TANC2: variants seen among roughly 807,000 people sequenced by gnomAD.
TANC2 encodes the protein tetratricopeptide repeat, ankyrin repeat and coiled-coil containing 2.
A neutral mutation model predicts 210.5 loss-of-function variants in TANC2; 26 were observed. That is an observed-to-expected ratio of 0.12 (90% CI 0.09 to 0.17). The LOEUF is 0.17. TANC2 is among the 10% of genes least tolerant of loss of function. TANC2 has a pLI of 1.00. For synonymous variants in TANC2, 931 were observed against 967.1 expected, an observed-to-expected ratio of 0.96 and a Z score of 0.69; for missense variants, 2,129 against 2,608.9, an observed-to-expected ratio of 0.82 and a Z score of 4.01.
At chr17:63,335,053 C>G (rs2045980012) in intron 11 of TANC2, among the ~76,000 whole-genome samples, 1 of 152,098 alleles carries the variant, frequency 6.6e-6, no homozygotes, top group African/African-American at 2.4e-5. Context: ...GGATCTGCCC[C>G]CATGACCCAA....
intron 11 of TANC2, among the ~76,000 whole-genome samples, chr17:63,323,286 T>A (rs1164721197): frequency 6.6e-6 from 1 of 152,260 alleles, no homozygotes; most frequent in Non-Finnish European, 1.5e-5. Context: ...TCATTGGTAT[T>A]TCATAACATT....
rs540065916 is a variant in TANC2 at position 63,207,506 on chromosome 17, C to T, written c.769+6549C>T. Among the ~76,000 whole-genome samples, 14 of 152,292 alleles carry T rather than the reference C, an allele frequency of 9.2e-5. No homozygotes were observed. The East Asian group carries it at 2.1e-3, about 23-fold the overall frequency. Reference sequence around the variant, plus strand: ...CTGGGATTACAGGCATGAGCCACCACGCTCAGCCACAAATTTCTTTTGTGC... The same window carrying T: ...CTGGGATTACAGGCATGAGCCACCATGCTCAGCCACAAATTTCTTTTGTGC... On this transcript the variant is annotated intron_variant, in intron 7 of 27. Coordinates refer to ENST00000689528, the Ensembl canonical transcript of TANC2.
exon 26 of TANC2, chr17:63,415,555 C>A: frequency 6.2e-7 from 1 of 1,613,902 alleles, no homozygotes; most frequent in East Asian, 2.2e-5. Flanking sequence ...AGCTGCCCAG[C>A]GCTACCAGTA....
intron 6 of TANC2, among the ~76,000 whole-genome samples, chr17:63,197,031 A>C (rs1365229391): frequency 6.6e-6 from 1 of 152,218 alleles, no homozygotes; most frequent in Non-Finnish European, 1.5e-5. Flanking sequence ...GAAAGGATCA[A>C]GTTAAATCAT....
At chr17:63,104,676 T>G (rs2037756451) in intron 4 of TANC2, among the ~76,000 whole-genome samples, 1 of 152,194 alleles carries the variant, frequency 6.6e-6, no homozygotes, top group Non-Finnish European at 1.5e-5. Context: ...TATGCAGACA[T>G]ACATACACAC....
At chr17:63,118,243 T>C (rs2038326950) in intron 4 of TANC2, among the ~76,000 whole-genome samples, 1 of 152,212 alleles carries the variant, frequency 6.6e-6, no homozygotes, top group Non-Finnish European at 1.5e-5. Context: ...AAATGGACTT[T>C]CTTAGTTTAA....
chr17:63,286,481 ATT>A, intron 9 of TANC2, among the ~76,000 whole-genome samples: 2 of 152,216 alleles, frequency 1.3e-5, no homozygotes, highest in Middle Eastern at 6.8e-3. Context: ...ATCTGCTGTC[ATT>A]CTTTCCTTTG....
intron 4 of TANC2, among the ~76,000 whole-genome samples, chr17:63,121,991 G>T (rs1269651210): frequency 6.6e-6 from 1 of 151,216 alleles, no homozygotes; most frequent in East Asian, 2.0e-4. Context: ...GGGAAGAGGG[G>T]GAGGGGAGGG....
At chr17:63,082,239 T>G in intron 3 of TANC2, among the ~76,000 whole-genome samples, 1 of 152,220 alleles carries the variant, frequency 6.6e-6, no homozygotes, top group East Asian at 1.9e-4. Context: ...CTTATGTGAA[T>G]TTTTCTGGTA....
intron 2 of TANC2, among the ~76,000 whole-genome samples, chr17:63,030,578 C>T (rs1009990152): frequency 6.6e-6 from 1 of 151,914 alleles, no homozygotes; most frequent in African/African-American, 2.4e-5. Context: ...GACAGACACC[C>T]CATGCCACCC....
exon 26 of TANC2, chr17:63,415,567 G>A (rs1366031139): frequency 1.6e-5 from 26 of 1,613,718 alleles, no homozygotes; most frequent in East Asian, 2.2e-5. Context: ...CTACCAGTAC[G>A]CCCTGAAGAA....
At chr17:62,976,710 A>G (rs1050974306) in intron 1 of TANC2, among the ~76,000 whole-genome samples, 2 of 152,330 alleles carry the variant, frequency 1.3e-5, no homozygotes, top group East Asian at 1.9e-4. Flanking sequence ...TACTACCTGT[A>G]ATAAAAAAAA....
chr17:63,273,095 ATAGGCAACATAGCC>A (rs1467120493), intron 9 of TANC2, among the ~76,000 whole-genome samples: 1 of 152,112 alleles, frequency 6.6e-6, no homozygotes, highest in East Asian at 1.9e-4. Flanking sequence ...CCTAGGCAAC[ATAGGCAACATAGCC>A]TAGGCAACAA....
intron 2 of TANC2, among the ~76,000 whole-genome samples, chr17:63,067,499 A>G (rs2036244507): frequency 6.6e-6 from 1 of 151,946 alleles, no homozygotes. Flanking sequence ...TATTAAAAAT[A>G]ATAATAAATA....
intron 9 of TANC2, among the ~76,000 whole-genome samples, chr17:63,278,338 G>T (rs2043954163): frequency 6.6e-6 from 1 of 152,018 alleles, no homozygotes. Flanking sequence ...TTTCTTCAAA[G>T]AAGACATACA....
intron 2 of TANC2, among the ~76,000 whole-genome samples, chr17:63,038,598 C>A (rs1005573796): frequency 1.3e-5 from 2 of 151,916 alleles, no homozygotes; most frequent in Non-Finnish European, 2.9e-5. Flanking sequence ...TTTGTTATTT[C>A]TTTAAATGTT....
At position 63,158,411 on chromosome 17, in the gene TANC2, G is replaced by T. The variant is rs144164317; in HGVS notation, c.433+7031G>T. Among the ~76,000 whole-genome samples the T allele has an allele frequency of 2.0e-3, 302 of 152,252 alleles. 4 individuals carry two copies. In the East Asian group the frequency reaches 0.048, roughly 24 times the overall value. ...TCTTGGAAAAAAATGTGTTTCTTAA[G>T]CAGAACATATGTTCCTGCAGCGCAG... is the stretch of plus-strand genomic sequence containing the variant. On this transcript the variant is annotated intron_variant, in intron 5 of 27. Transcript: ENST00000689528.
chr17:63,401,412 C>A (rs1383287187), intron 19 of TANC2, among the ~76,000 whole-genome samples: 1 of 152,202 alleles, frequency 6.6e-6, no homozygotes, highest in Non-Finnish European at 1.5e-5. Flanking sequence ...CAAAAACAAA[C>A]AACTTCTGCC....
chr17:63,121,913 G>C (rs1414475331), intron 4 of TANC2, among the ~76,000 whole-genome samples: 2 of 150,198 alleles, frequency 1.3e-5, no homozygotes, highest in Non-Finnish European at 3.0e-5. Context: ...GATGCAGTGA[G>C]CTGTGATTGT....
Sources: gnomAD v4.1 joint callset for allele counts (sites outside exome capture counted in the v4.1 genomes callset) on GRCh38, gnomAD v4.1.1 for gene constraint, MANE v1.5 for transcripts, NCBI Gene and HGNC (gene_info 2026-07-23, HGNC 2026-07-21) for gene names.